TOR1AIP2: variants seen among roughly 807,000 people sequenced by gnomAD.
The protein encoded by TOR1AIP2 is torsin-1A-interacting protein 2.
A neutral mutation model predicts 32.6 loss-of-function variants in TOR1AIP2; 20 were observed. That is an observed-to-expected ratio of 0.61 (90% CI 0.43 to 0.89). TOR1AIP2 has a LOEUF of 0.89. Ranked by LOEUF, TOR1AIP2 falls within the 40% of genes least tolerant of loss-of-function variation. TOR1AIP2 has a pLI of 0.00. For missense variants in TOR1AIP2, 456 were observed against 553.8 expected, an observed-to-expected ratio of 0.82 and a Z score of 1.77; for synonymous variants, 214 against 210.8, an observed-to-expected ratio of 1.02 and a Z score of -0.13.
intron 3 of TOR1AIP2, chr1:179,858,912 T>G (rs1696409168): frequency 4.3e-6 from 3 of 689,926 alleles, no homozygotes; most frequent in Non-Finnish European, 5.4e-6. Flanking sequence ...TAAGACCATT[T>G]TTTAAATGGA....
intron 3 of TOR1AIP2, chr1:179,864,694 C>T: frequency 6.7e-7 from 1 of 1,500,504 alleles, no homozygotes; most frequent in Non-Finnish European, 8.8e-7. Context: ...CAATCTGGGT[C>T]AGACTTAGAA....
At position 179,846,729 on chromosome 1, in the gene TOR1AIP2, A is replaced by AAAGCTGG; in HGVS notation, c.748_754dup (p.Leu252SerfsTer11). ...GCTAAACTGGGCCAAAAAGGCCTCCAAAGCTGGATTTTTGGGCACTTGCTG... is the reference window on the plus strand; with the variant it reads ...GCTAAACTGGGCCAAAAAGGCCTCCAAAGCTGGAAGCTGGATTTTTGGGCACTTGCTG... On this transcript the variant is annotated frameshift_variant, in exon 7 of 7. Coordinates refer to ENST00000609928, the MANE Select transcript of TOR1AIP2 (RefSeq NM_001199260.2). LOFTEE classifies it high-confidence loss of function. 1.2e-6 allele frequency: 2 copies of AAAGCTGG among 1,614,088 alleles called. No homozygotes were observed. Among genetic ancestry groups the AAAGCTGG allele is most frequent in the Non-Finnish European group, 1.7e-6 (2 of 1,180,050 alleles).
At chr1:179,874,249 T>C (rs1697110748) in intron 2 of TOR1AIP2, 2 of 152,234 alleles carry the variant, frequency 1.3e-5, no homozygotes, top group Admixed American at 1.3e-4. Context: ...CAGATGACTC[T>C]GGTGTTCACT....
chr1:179,860,372 C>T, intron 3 of TOR1AIP2: 1 of 803,748 alleles, frequency 1.2e-6, no homozygotes, highest in Non-Finnish European at 1.5e-6. Flanking sequence ...GTCACAGCTA[C>T]TTAGGGGGCT....
At chr1:179,872,210 C>T (rs1697037322) in intron 2 of TOR1AIP2, among the ~76,000 whole-genome samples, 1 of 152,138 alleles carries the variant, frequency 6.6e-6, no homozygotes, top group African/African-American at 2.4e-5. Flanking sequence ...TAAAGGAGAA[C>T]AACTGGTTTG....
At position 179,846,823 on chromosome 1, in the gene TOR1AIP2, C is replaced by A; in HGVS notation, c.661G>T (p.Val221Leu). The A allele has an allele frequency of 6.3e-7, 1 of 1,585,930 alleles. No individual in the cohort carries two copies. The highest frequency in any genetic ancestry group is 8.6e-7 in the Non-Finnish European group (1 of 1,165,052). Residue 221 changes from valine (V) to leucine (L), a missense_variant, in exon 7 of 7, where the codon GTG (valine) becomes TTG (leucine). Transcript: ENST00000609928. The part of the protein sequence containing the change: ...NKKGFWSYGP[V>L]ILVVLVVAVV... The stretch of plus-strand genomic sequence containing the variant: ...GCCACAACCAGGACGACAAGAATCA[C>A]AGGGCCTGTCAAAAGAATGAAAAAG...
chr1:179,863,657 T>C (rs1696644470), intron 3 of TOR1AIP2: 3 of 967,008 alleles, frequency 3.1e-6, no homozygotes, highest in Non-Finnish European at 3.6e-6. Flanking sequence ...AGCAAGACTC[T>C]GTCACTATTT....
chr1:179,847,902 G>A (rs753173381), intron 5 of TOR1AIP2, among the ~76,000 whole-genome samples: 26 of 151,946 alleles, frequency 1.7e-4, no homozygotes, highest in South Asian at 4.1e-4. Flanking sequence ...GCATGATGGC[G>A]GGCGCCTGTA....
intron 3 of TOR1AIP2, among the ~76,000 whole-genome samples, chr1:179,855,498 G>T (rs1696265074): frequency 6.6e-6 from 1 of 152,176 alleles, no homozygotes; most frequent in African/African-American, 2.4e-5. Flanking sequence ...AATTAATGGT[G>T]AGATAACATT....
At chr1:179,862,189 AAAAC>A (rs745715587) in intron 3 of TOR1AIP2, 77 of 983,714 alleles carry the variant, frequency 7.8e-5, no homozygotes, top group Admixed American at 1.2e-4. Flanking sequence ...GATATTGACT[AAAAC>A]AAAAACAAAA....
intron 2 of TOR1AIP2, among the ~76,000 whole-genome samples, chr1:179,866,856 C>A (rs1460636271): frequency 1.3e-5 from 2 of 152,178 alleles, no homozygotes; most frequent in Non-Finnish European, 2.9e-5. Flanking sequence ...TGCATTCCTT[C>A]ATGACACTGG....
chr1:179,865,335 C>T (rs1022150678), intron 3 of TOR1AIP2, 101 bp downstream of exon 3: 11 of 870,658 alleles, frequency 1.3e-5, no homozygotes, highest in African/African-American at 5.1e-5. Context: ...CTTGCACCTC[C>T]GTGCAATTCT....
At chr1:179,862,320 GATC>G in intron 3 of TOR1AIP2, 2 of 983,872 alleles carry the variant, frequency 2.0e-6, no homozygotes, top group Non-Finnish European at 2.4e-6. Flanking sequence ...CAATAATACT[GATC>G]ATAATACTAT....
intron 3 of TOR1AIP2, chr1:179,864,824 C>G: frequency 3.1e-6 from 5 of 1,612,832 alleles, no homozygotes; most frequent in Non-Finnish European, 4.2e-6. Flanking sequence ...TTTATCTGTT[C>G]TGGTCAAGAT....
intron 3 of TOR1AIP2, among the ~76,000 whole-genome samples, chr1:179,853,075 C>T (rs76369057): frequency 0.13 from 20,520 of 152,098 alleles, 1,757 homozygotes; most frequent in Non-Finnish European, 0.17. Flanking sequence ...GATCAAGTGA[C>T]CAGAATCTTC....
chr1:179,872,767 C>T (rs1188831606), intron 2 of TOR1AIP2, among the ~76,000 whole-genome samples: 2 of 152,170 alleles, frequency 1.3e-5, no homozygotes, highest in African/African-American at 2.4e-5. Context: ...AAGCTATGCA[C>T]GAAGGATCTA....
rs1288206750 is a variant in TOR1AIP2 at position 179,842,460 on chromosome 1, G to A, written c.*3611C>T. 1.3e-5 allele frequency: 2 copies of A among 152,152 alleles called. No homozygotes were observed. Among genetic ancestry groups the A allele is most frequent in the East Asian group, 3.8e-4 (2 of 5,198 alleles). 9.4% of individuals were successfully genotyped at this position (152,152 alleles called of 1,614,324 possible). A position where few individuals can be genotyped will look rare whatever the true frequency, so the allele number is the denominator to read the frequency against. On this transcript the variant is annotated 3_prime_UTR_variant, in exon 7 of 7. Transcript: ENST00000609928. ...ATATGAACTTGTCCGCCAACTCCTG[G>A]AAACTAACCAGAAAACCTAAAATTT...
Position 179,846,732 on chromosome 1 carries a change from G to A in TOR1AIP2, c.752C>T (p.Ala251Val), listed in dbSNP as rs760449847. 2 of 1,613,870 alleles carry A rather than the reference G, an allele frequency of 1.2e-6. No homozygotes were observed. Among genetic ancestry groups the A allele is most frequent in the African/African-American group, 1.3e-5 (1 of 74,910 alleles). Residue 251 changes from alanine (A) to valine (V), a missense_variant, in exon 7 of 7, where the codon GCT becomes GTT. Coordinates refer to ENST00000609928, the MANE Select transcript of TOR1AIP2 (RefSeq NM_001199260.2). ...SPAQQVPKNP[A>V]LEAFLAQFSQ... Reference sequence around the variant, plus strand: ...AAACTGGGCCAAAAAGGCCTCCAAAGCTGGATTTTTGGGCACTTGCTGGGC... The same window carrying A: ...AAACTGGGCCAAAAAGGCCTCCAAAACTGGATTTTTGGGCACTTGCTGGGC...
chr1:179,861,043 GC>G, intron 3 of TOR1AIP2: 2 of 985,404 alleles, frequency 2.0e-6, no homozygotes, highest in Non-Finnish European at 2.4e-6. Flanking sequence ...TTTCCGGTCT[GC>G]CCTTGCATGT....
Sources: gnomAD v4.1 joint callset for allele counts (sites outside exome capture counted in the v4.1 genomes callset) on GRCh38, gnomAD v4.1.1 for gene constraint, MANE v1.5 for transcripts, NCBI Gene and HGNC (gene_info 2026-07-23, HGNC 2026-07-21) for gene names.